The following TRAPPC9 variants were observed in gnomAD, a reference collection of about 807,000 sequenced individuals.
TRAPPC9 encodes trafficking protein particle complex subunit 9.
Under a neutral mutation model 124.0 loss-of-function variants are expected in TRAPPC9, and 83 were observed. The ratio of observed to expected loss-of-function variants is 0.67; its 90% CI spans 0.56 to 0.80. The LOEUF (loss-of-function observed/expected upper bound fraction) is 0.80, where lower values mean the gene tolerates loss of function less well. Ranked by LOEUF, TRAPPC9 falls within the 30% of genes least tolerant of loss-of-function variation. The pLI, the probability that TRAPPC9 is intolerant of heterozygous loss-of-function variation, is 0.00. For missense variants in TRAPPC9, 1,302 were observed against 1,508.3 expected (o/e 0.86, Z 2.27); for synonymous variants, 638 against 617.5 (o/e 1.03, Z -0.49).
At chr8:139,844,323 C>T (rs1323035487) in intron 21 of TRAPPC9, among the ~76,000 whole-genome samples, 1 of 152,242 alleles carries the variant, frequency 6.6e-6, no homozygotes, top group African/African-American at 2.4e-5. Context: ...GGCAGAGTGC[C>T]TGGCAGGAGA....
At chr8:140,245,931 C>T (rs368909986) in intron 16 of TRAPPC9, among the ~76,000 whole-genome samples, 1 of 152,154 alleles carries the variant, frequency 6.6e-6, no homozygotes, top group Non-Finnish European at 1.5e-5. Context: ...ATGATGATAT[C>T]CGAATTCTAT....
Position 139,844,866 on chromosome 8 carries a change from G to A in TRAPPC9, c.3055+41013C>T, listed in dbSNP as rs115990547. The stretch of plus-strand genomic sequence containing the variant: ...TTGCCCGGGGCCCCCAGCTGGCTGC[G>A]GCAACCTGCTGGCCAGGCTTGGCCT... On this transcript the variant is annotated intron_variant, in intron 21 of 22. Transcript: ENST00000438773. Among the ~76,000 whole-genome samples the A allele has an allele frequency of 5.1e-3, 779 of 152,338 alleles. 7 individuals carry two copies. Among genetic ancestry groups the A allele is most frequent in the African/African-American group, 0.018 (750 of 41,566 alleles).
chr8:139,805,733 T>C (rs1824002019), intron 21 of TRAPPC9, among the ~76,000 whole-genome samples: 1 of 152,120 alleles, frequency 6.6e-6, no homozygotes, highest in African/African-American at 2.4e-5. Flanking sequence ...CTGACATGTA[T>C]TAAAAAGATC....
intron 17 of TRAPPC9, among the ~76,000 whole-genome samples, chr8:140,117,646 T>G (rs2060912573): frequency 6.6e-6 from 1 of 152,176 alleles, no homozygotes; most frequent in Non-Finnish European, 1.5e-5. Context: ...CAATTAAATC[T>G]CAACGTGAGT....
At chr8:139,874,923 T>C (rs1244406291) in intron 21 of TRAPPC9, among the ~76,000 whole-genome samples, 1 of 151,950 alleles carries the variant, frequency 6.6e-6, no homozygotes, top group African/African-American at 2.4e-5. Context: ...TCACAAAGCC[T>C]CTCCACCCAC....
chr8:140,290,131 G>A (rs1382889016), intron 12 of TRAPPC9, among the ~76,000 whole-genome samples: 3 of 152,086 alleles, frequency 2.0e-5, no homozygotes, highest in African/African-American at 4.8e-5. Flanking sequence ...GGTCACAGTC[G>A]CAGCAGGGAC....
chr8:140,259,370 C>T (rs1029989656), intron 15 of TRAPPC9, among the ~76,000 whole-genome samples: 6 of 152,170 alleles, frequency 3.9e-5, no homozygotes, highest in East Asian at 3.9e-4. Flanking sequence ...TTCCACCAAA[C>T]GGTCAAAAAC....
chr8:140,199,527 TC>T, intron 17 of TRAPPC9, among the ~76,000 whole-genome samples: 1 of 145,960 alleles, frequency 6.9e-6, no homozygotes, highest in Non-Finnish European at 1.5e-5. Flanking sequence ...GAGCCTTTCT[TC>T]CTTCCACTGC....
intron 16 of TRAPPC9, among the ~76,000 whole-genome samples, chr8:140,226,258 G>T: frequency 6.6e-6 from 1 of 152,196 alleles, no homozygotes; most frequent in Admixed American, 6.5e-5. Flanking sequence ...ATTCTAGGAA[G>T]AAAAGACTCC....
rs1563857999 is a variant in TRAPPC9 at position 140,221,459 on chromosome 8, C to T, written c.2556G>A (p.Lys852=). 9.3e-6 allele frequency: 15 copies of T among 1,614,076 alleles called. No individual in the cohort carries two copies. Among genetic ancestry groups the T allele is most frequent in the Non-Finnish European group, 1.2e-5 (14 of 1,179,952 alleles). ...SNKAGDYSHV[K]TLEAVLNFKY... ...GATGCCGTCTGCCATACCAACTCAC[C>T]TTCACGTGGCTGTAGTCGCCTGCTT... The change falls in exon 17 of 23, where the codon AAG becomes AAA. Residue 852 remains lysine, a splice_region_variant and synonymous_variant. Coordinates refer to ENST00000438773, the MANE Select transcript of TRAPPC9 (RefSeq NM_001160372.4).
chr8:139,852,756 T>C (rs1167791234), intron 21 of TRAPPC9, among the ~76,000 whole-genome samples: 2 of 152,248 alleles, frequency 1.3e-5, no homozygotes, highest in Non-Finnish European at 2.9e-5. Context: ...CCAGCTACCT[T>C]GGGCTGGCTG....
intron 17 of TRAPPC9, among the ~76,000 whole-genome samples, chr8:140,044,584 C>T (rs891897737): frequency 3.9e-5 from 6 of 152,232 alleles, no homozygotes; most frequent in African/African-American, 1.4e-4. Context: ...GACAGTGCCC[C>T]CAGGGCACAG....
chr8:139,854,921 C>T (rs1021749953), intron 21 of TRAPPC9, among the ~76,000 whole-genome samples: 2 of 152,216 alleles, frequency 1.3e-5, no homozygotes, highest in East Asian at 3.9e-4. Context: ...CTGGCTACCC[C>T]CTTCCTGGCT....
intron 22 of TRAPPC9, among the ~76,000 whole-genome samples, chr8:139,731,588 T>C (rs1324919113): frequency 6.6e-6 from 1 of 150,950 alleles, no homozygotes; most frequent in Non-Finnish European, 1.5e-5. Context: ...AGGTAGGAGG[T>C]GGGAGGTGGG....
intron 21 of TRAPPC9, among the ~76,000 whole-genome samples, chr8:139,778,324 AG>A (rs1821538553): frequency 6.6e-6 from 1 of 152,254 alleles, no homozygotes; most frequent in Admixed American, 6.5e-5. Flanking sequence ...ACTGTTTCTG[AG>A]TAATTTAACT....
intron 9 of TRAPPC9, among the ~76,000 whole-genome samples, chr8:140,320,798 T>A (rs962052692): frequency 1.3e-5 from 2 of 152,176 alleles, no homozygotes; most frequent in African/African-American, 4.8e-5. Flanking sequence ...AGAAAACCAG[T>A]CATCTGTGAA....
intron 19 of TRAPPC9, among the ~76,000 whole-genome samples, chr8:139,946,796 C>T (rs559751127): frequency 1.1e-4 from 17 of 149,566 alleles, no homozygotes; most frequent in East Asian, 8.0e-4. Flanking sequence ...CTGGCTAACA[C>T]GGTGAAACCC....
At chr8:140,139,624 C>T (rs2061353588) in intron 17 of TRAPPC9, among the ~76,000 whole-genome samples, 1 of 151,976 alleles carries the variant, frequency 6.6e-6, no homozygotes, top group Non-Finnish European at 1.5e-5. Flanking sequence ...CTGCCACATA[C>T]AAAAACATAA....
intron 7 of TRAPPC9, among the ~76,000 whole-genome samples, chr8:140,392,960 T>C (rs1406433309): frequency 1.3e-5 from 2 of 152,258 alleles, no homozygotes; most frequent in Non-Finnish European, 2.9e-5. Context: ...CTTAGCACTT[T>C]ATATGCATTA....
Sources: gnomAD v4.1 joint callset for allele counts (sites outside exome capture counted in the v4.1 genomes callset) on GRCh38, gnomAD v4.1.1 for gene constraint, MANE v1.5 for transcripts, NCBI Gene and HGNC (gene_info 2026-07-23, HGNC 2026-07-21) for gene names.